The following CTNS variants were observed in gnomAD, a reference collection of about 807,000 sequenced individuals.
CTNS encodes the protein cystinosin.
In CTNS, 27 loss-of-function variants were observed where a neutral mutation model predicts 43.7. The ratio of observed to expected loss-of-function variants is 0.62; its 90% CI spans 0.46 to 0.85. CTNS has a LOEUF of 0.85. Ranked by LOEUF, CTNS falls within the 40% of genes least tolerant of loss-of-function variation. The pLI is 0.00. For missense variants in CTNS, 457 were observed against 475.4 expected (o/e 0.96, Z 0.36); for synonymous variants, 187 against 190.6 (o/e 0.98, Z 0.16).
rs2076199463 is a variant in CTNS at position 3,658,140 on chromosome 17, A to G, written c.817A>G (p.Lys273Glu). 1 of 1,612,046 alleles carries G rather than the reference A, an allele frequency of 6.2e-7. No individual in the cohort carries two copies. Among genetic ancestry groups the G allele is most frequent in the Non-Finnish European group, 8.5e-7 (1 of 1,179,744 alleles). The change falls in exon 10 of 12, where the codon AAG (lysine) becomes GAG (glutamate). Residue 273 changes from lysine (K) to glutamate (E), a missense_variant. By Grantham distance (56) the Lys-to-Glu change is moderately conservative (BLOSUM62 1). Transcript: ENST00000046640. ...LQFLFCFSYI[K>E]LAVTLVKYFP... Reference sequence around the variant, plus strand: ...GTTTCTCTTCTGCTTCTCCTACATCAAGCTCGCAGTCACGCTGGTCAAGTA... The same window carrying G: ...GTTTCTCTTCTGCTTCTCCTACATCGAGCTCGCAGTCACGCTGGTCAAGTA...
chr17:3,657,924 C>T (rs1164321636), intron 9 of CTNS, 81 bp from the exon 10 acceptor site: 13 of 1,549,412 alleles, frequency 8.4e-6, no homozygotes, highest in African/African-American at 4.1e-5. Flanking sequence ...TCTCTAAGCC[C>T]GCCCTATCCG....
chr17:3,658,354 C>T (rs1002997261), intron 10 of CTNS, among the ~76,000 whole-genome samples, 179 bp downstream of exon 10: 5 of 152,302 alleles, frequency 3.3e-5, no homozygotes, highest in South Asian at 4.1e-4. Flanking sequence ...GCTCTTCCCC[C>T]GGGGCTGGAA....
At chr17:3,641,733 A>G (rs1224149924) in intron 3 of CTNS, among the ~76,000 whole-genome samples, 1 of 151,978 alleles carries the variant, frequency 6.6e-6, no homozygotes, top group Non-Finnish European at 1.5e-5. Context: ...TTGACAAACA[A>G]TACAAATCCT....
At chr17:3,637,553 G>A (rs542727791) in intron 2 of CTNS, among the ~76,000 whole-genome samples, 1 of 150,836 alleles carries the variant, frequency 6.6e-6, no homozygotes, top group Admixed American at 6.6e-5. Flanking sequence ...TGCAACCTCC[G>A]CCTCCGGGGT....
At chr17:3,656,976 G>T (rs1015164055) in intron 9 of CTNS, 181 bp downstream of exon 9, 1 of 935,588 alleles carries the variant, frequency 1.1e-6, no homozygotes, top group Non-Finnish European at 1.6e-6. Context: ...CAAGTCTGGG[G>T]TGAGGGACTC....
chr17:3,647,721 C>T (rs2075878050), intron 4 of CTNS, 199 bp downstream of exon 4: 2 of 619,116 alleles, frequency 3.2e-6, no homozygotes, highest in South Asian at 1.9e-5. Context: ...ACCCTGAGTC[C>T]TCACTTTCCC....
Position 3,655,267 on chromosome 17 carries a change from A to G in CTNS, c.376A>G (p.Ile126Val). The change falls in exon 7 of 12, where the codon ATA becomes GTA. Residue 126 changes from isoleucine (I) to valine (V), a missense_variant. By Grantham distance (29) the Ile-to-Val change is conservative. Coordinates refer to ENST00000046640, the MANE Select transcript of CTNS (RefSeq NM_004937.3). ...GATCCGCAGCAGCGCCATTAGCATC[A>G]TAAACCAGGTGATTGGCTGGATCTA... Reference protein sequence around the residue: ...LVIRSSAISIINQVIGWIYFV... With the variant: ...LVIRSSAISIVNQVIGWIYFV... The G allele has an allele frequency of 3.1e-6, 5 of 1,614,230 alleles. No individual in the cohort carries two copies. The highest frequency in any genetic ancestry group is 4.2e-6 in the Non-Finnish European group (5 of 1,180,042).
intron 7 of CTNS, chr17:3,655,566 G>C: frequency 4.0e-6 from 2 of 498,592 alleles, no homozygotes; most frequent in Admixed American, 3.3e-5. Context: ...CCCTCCCTGG[G>C]AAAGCAGGAA....
intron 3 of CTNS, among the ~76,000 whole-genome samples, chr17:3,644,399 A>T (rs575096830): frequency 6.6e-6 from 1 of 152,176 alleles, no homozygotes. Flanking sequence ...GGTGCTAAAG[A>T]AGGAGGGAAT....
At chr17:3,648,313 C>T (rs2075893668) in intron 4 of CTNS, among the ~76,000 whole-genome samples, 1 of 152,196 alleles carries the variant, frequency 6.6e-6, no homozygotes, top group East Asian at 1.9e-4. Context: ...ACTGTCCAGG[C>T]CCCTGGAGTG....
At chr17:3,656,914 G>A in intron 9 of CTNS, 119 bp downstream of exon 9, 2 of 1,508,940 alleles carry the variant, frequency 1.3e-6, no homozygotes, top group South Asian at 1.2e-5. Flanking sequence ...ATTCATCCAG[G>A]TCCTGTGCTG....
chr17:3,639,667 C>CAAA (rs3039676), intron 2 of CTNS, among the ~76,000 whole-genome samples: 2,639 of 141,104 alleles, frequency 0.019, 42 homozygotes, highest in Non-Finnish European at 0.029. Context: ...GACTCTGTCT[C>CAAA]AAAAAAAAAA....
intron 5 of CTNS, chr17:3,650,172 A>G: frequency 6.5e-7 from 1 of 1,550,322 alleles, no homozygotes; most frequent in East Asian, 2.4e-5. Context: ...ACCTTAATAA[A>G]GCTGGTGGAA....
At position 3,660,640 on chromosome 17, in the gene CTNS, C is replaced by G. The variant is rs2142983835; in HGVS notation, c.*271C>G. 6.2e-7 allele frequency: 1 copy of G among 1,613,586 alleles called. No individual in the cohort carries two copies. ...AGGCTTCAGGCAGCGCGCACAGGCT[C>G]TGGCAGCCGTCTCAGGCAGGACTGG... On this transcript the variant is annotated 3_prime_UTR_variant, in exon 12 of 12. Coordinates refer to ENST00000046640, the MANE Select transcript of CTNS (RefSeq NM_004937.3).
Position 3,662,084 on chromosome 17 carries a change from A to G in CTNS, c.*1715A>G, listed in dbSNP as rs964252918. On this transcript the variant is annotated 3_prime_UTR_variant, in exon 12 of 12. Transcript: ENST00000046640. ...CCAGCACTTTGGGAGGCCAAGGCAG[A>G]TGGATCACCTGACATCAGGAGTTCG... is the stretch of plus-strand genomic sequence containing the variant. Among the ~76,000 whole-genome samples the G allele has an allele frequency of 7.9e-5, 12 of 152,204 alleles. No homozygotes were observed. Among genetic ancestry groups the G allele is most frequent in the Admixed American group, 6.5e-4 (10 of 15,282 alleles).
At chr17:3,651,802 G>T (rs1211389247) in intron 5 of CTNS, among the ~76,000 whole-genome samples, 3 of 151,430 alleles carry the variant, frequency 2.0e-5, no homozygotes, top group Non-Finnish European at 4.4e-5. Flanking sequence ...GTGAAACCCC[G>T]TCTCTACTAA....
chr17:3,648,700 T>A (rs184300980), intron 4 of CTNS, 147 bp from the exon 5 acceptor site: 3 of 738,102 alleles, frequency 4.1e-6, no homozygotes, highest in African/African-American at 1.7e-5. Context: ...GAGCACGATT[T>A]CCACCTGGCT....
At chr17:3,639,985 G>A (rs189111305) in intron 2 of CTNS, among the ~76,000 whole-genome samples, 22 of 152,226 alleles carry the variant, frequency 1.4e-4, no homozygotes, top group African/African-American at 4.8e-4. Context: ...TTATCTGCTC[G>A]GAGCCCGTTT....
Position 3,662,419 on chromosome 17 carries a change from GCT to G in CTNS, c.*2055_*2056del, listed in dbSNP as rs1303184067. On this transcript the variant is annotated 3_prime_UTR_variant, in exon 12 of 12. Coordinates refer to ENST00000046640, the MANE Select transcript of CTNS (RefSeq NM_004937.3). ...AGAGGTGGTACGCAGGTAGTCAGGT[GCT>G]CTCTGACTCACCCCCATCTGGCCAG... Among the ~76,000 whole-genome samples the G allele has an allele frequency of 2.6e-5, 4 of 152,174 alleles. No homozygotes were observed. The highest frequency in any genetic ancestry group is 5.9e-5 in the Non-Finnish European group (4 of 68,032).
Sources: allele counts gnomAD v4.1 joint callset (sites outside exome capture counted in the v4.1 genomes callset), GRCh38; gene constraint gnomAD v4.1.1; transcripts MANE v1.5; gene names NCBI Gene and HGNC (gene_info 2026-07-23, HGNC 2026-07-21).